Variants in TRIM9 observed in about 807,000 individuals in gnomAD.
TRIM9 encodes tripartite motif containing 9.
A neutral mutation model predicts 78.3 loss-of-function variants in TRIM9; 26 were observed. That is an observed-to-expected ratio of 0.33 (90% CI 0.24 to 0.46). The LOEUF (loss-of-function observed/expected upper bound fraction) is 0.46. Ranked by LOEUF, TRIM9 falls within the 20% of genes least tolerant of loss-of-function variation. The pLI is 1.00. For synonymous variants in TRIM9, 398 were observed against 416.5 expected (o/e 0.96, Z 0.54); for missense variants, 787 against 1,036.4 (o/e 0.76, Z 3.30).
At chr14:51,005,271 T>C (rs2055624907) in intron 5 of TRIM9, among the ~76,000 whole-genome samples, 1 of 152,186 alleles carries the variant, frequency 6.6e-6, no homozygotes. Context: ...TCCTTGCCCA[T>C]GACCTTGGTG....
Position 51,045,251 on chromosome 14 carries a change from T to C in TRIM9, c.823-19891A>G, listed in dbSNP as rs1001601996. On this transcript the variant is annotated intron_variant, in intron 1 of 12. Coordinates refer to ENST00000684578, the MANE Select transcript of TRIM9 (RefSeq NM_001387360.1). ...TCCTCCTCTGAGAGGAACTGAGATA[T>C]ATGGGACAGAGTGAGATATCAGAGT... 3.9e-5 allele frequency among the ~76,000 whole-genome samples: 6 copies of C among 152,190 alleles called. No individual in the cohort carries two copies. In the East Asian group the frequency reaches 7.7e-4, roughly 20 times the overall value.
chr14:50,984,491 T>TCAAACATG (rs1169748895), intron 8 of TRIM9, among the ~76,000 whole-genome samples: 2 of 152,242 alleles, frequency 1.3e-5, no homozygotes, highest in African/African-American at 4.8e-5. Context: ...CTGATTTTTA[T>TCAAACATG]GTTTTGTTTC....
intron 1 of TRIM9, among the ~76,000 whole-genome samples, chr14:51,087,729 G>A (rs2063899299): frequency 6.6e-6 from 1 of 152,174 alleles, no homozygotes; most frequent in African/African-American, 2.4e-5. Context: ...TACTTCATAA[G>A]TTGTTATGCT....
intron 1 of TRIM9, among the ~76,000 whole-genome samples, chr14:51,081,468 C>T (rs934944095): frequency 1.3e-5 from 2 of 152,198 alleles, no homozygotes; most frequent in Admixed American, 1.3e-4. Flanking sequence ...ATGGAGTTAG[C>T]ATGTGACTCA....
intron 1 of TRIM9, among the ~76,000 whole-genome samples, chr14:51,084,784 A>G (rs891044927): frequency 6.6e-6 from 1 of 152,184 alleles, no homozygotes; most frequent in Non-Finnish European, 1.5e-5. Context: ...ATATCTAGTA[A>G]AGTCAGCTGT....
intron 7 of TRIM9, chr14:50,997,697 C>T (rs2054402243): frequency 7.7e-6 from 9 of 1,161,732 alleles, no homozygotes; most frequent in South Asian, 3.0e-5. Flanking sequence ...TGATGTGTAT[C>T]GGTGGAGAAT....
chr14:51,087,873 G>A (rs1332590295), intron 1 of TRIM9, among the ~76,000 whole-genome samples: 1 of 152,072 alleles, frequency 6.6e-6, no homozygotes, highest in Non-Finnish European at 1.5e-5. Flanking sequence ...CAGTCATTTG[G>A]TATCATGTAT....
intron 1 of TRIM9, among the ~76,000 whole-genome samples, chr14:51,080,203 T>C (rs1038045335): frequency 1.3e-5 from 2 of 151,300 alleles, no homozygotes; most frequent in South Asian, 4.2e-4. Flanking sequence ...GGGGCAAAGG[T>C]AATGTCTATC....
At chr14:51,009,478 A>T (rs1243809169) in intron 4 of TRIM9, among the ~76,000 whole-genome samples, 2 of 152,254 alleles carry the variant, frequency 1.3e-5, no homozygotes, top group African/African-American at 4.8e-5. Context: ...TAACTGATTT[A>T]TTAGACAAAT....
At chr14:51,010,043 G>A (rs1002979263) in intron 4 of TRIM9, among the ~76,000 whole-genome samples, 4 of 150,774 alleles carry the variant, frequency 2.7e-5, no homozygotes, top group African/African-American at 9.8e-5. Context: ...AATAAGGACC[G>A]AATTCTTGGG....
chr14:51,059,924 C>T (rs1355281906), intron 1 of TRIM9, among the ~76,000 whole-genome samples: 3 of 152,156 alleles, frequency 2.0e-5, no homozygotes, highest in Non-Finnish European at 2.9e-5. Flanking sequence ...GCTACTACCA[C>T]GGCCCTAAAA....
intron 1 of TRIM9, among the ~76,000 whole-genome samples, chr14:51,086,415 G>C (rs528322844): frequency 7.0e-4 from 107 of 152,300 alleles, no homozygotes; most frequent in African/African-American, 2.4e-3. Flanking sequence ...TTAGCAAAAA[G>C]TATAAAATAC....
At chr14:51,010,304 G>A (rs2056415236) in intron 4 of TRIM9, 80 bp downstream of exon 4, 7 of 1,148,930 alleles carry the variant, frequency 6.1e-6, no homozygotes, top group Non-Finnish European at 9.1e-6. Flanking sequence ...ACCCAGGGCT[G>A]TTGGAAGTCT....
chr14:51,008,894 A>C (rs974848015), intron 5 of TRIM9, among the ~76,000 whole-genome samples, 186 bp downstream of exon 5: 4 of 152,206 alleles, frequency 2.6e-5, no homozygotes, highest in Non-Finnish European at 5.9e-5. Context: ...GCAAGCATTG[A>C]GTTGATCTGA....
intron 2 of TRIM9, among the ~76,000 whole-genome samples, chr14:51,024,688 G>A (rs989333922): frequency 4.6e-5 from 7 of 152,154 alleles, no homozygotes; most frequent in African/African-American, 1.7e-4. Context: ...TAGTTGCCAG[G>A]GGATCATGGT....
chr14:51,056,558 C>A (rs1474160774), intron 1 of TRIM9, among the ~76,000 whole-genome samples: 1 of 152,198 alleles, frequency 6.6e-6, no homozygotes, highest in African/African-American at 2.4e-5. Context: ...TTGGAAATGT[C>A]ACTTCACATG....
At chr14:51,080,004 C>G (rs185332801) in intron 1 of TRIM9, among the ~76,000 whole-genome samples, 1 of 152,302 alleles carries the variant, frequency 6.6e-6, no homozygotes, top group African/African-American at 2.4e-5. Flanking sequence ...GGGAGAGGAG[C>G]ATTTTGCCTC....
intron 5 of TRIM9, among the ~76,000 whole-genome samples, chr14:51,001,645 C>T (rs2055062358): frequency 6.6e-6 from 1 of 152,298 alleles, no homozygotes; most frequent in African/African-American, 2.4e-5. Context: ...AATATTCCAT[C>T]ATTTTTTTTT....
chr14:51,000,532 G>T, intron 6 of TRIM9, 151 bp downstream of exon 6: 1 of 1,023,418 alleles, frequency 9.8e-7, no homozygotes, highest in Non-Finnish European at 1.4e-6. Context: ...GGTAGAGGGA[G>T]AAAGCAGGCT....
Sources: gnomAD v4.1 joint callset for allele counts (sites outside exome capture counted in the v4.1 genomes callset) on GRCh38, gnomAD v4.1.1 for gene constraint, MANE v1.5 for transcripts, NCBI Gene and HGNC (gene_info 2026-07-23, HGNC 2026-07-21) for gene names.